CASP9: variants seen among roughly 807,000 people sequenced by gnomAD.
The protein encoded by CASP9 is caspase-9.
CASP9 carries 29 observed loss-of-function variants against 43.5 expected under a neutral mutation model. That is an observed-to-expected ratio of 0.67 (90% CI 0.50 to 0.91). The LOEUF (loss-of-function observed/expected upper bound fraction) is 0.91, where lower values mean the gene tolerates loss of function less well. CASP9 is among the 40% of genes least tolerant of loss of function. The pLI, the probability that CASP9 is intolerant of heterozygous loss-of-function variation, is 0.00. For missense variants in CASP9, 575 were observed against 537.4 expected (o/e 1.07, Z -0.69); for synonymous variants, 206 against 211.9 (o/e 0.97, Z 0.24).
intron 2 of CASP9, among the ~76,000 whole-genome samples, chr1:15,512,939 C>T (rs1303700422): frequency 1.3e-5 from 2 of 152,002 alleles, no homozygotes; most frequent in African/African-American, 4.8e-5. Flanking sequence ...GGACAGATCA[C>T]GAGGTCAGGA....
chr1:15,515,293 TC>T (rs1282214212), intron 2 of CASP9, among the ~76,000 whole-genome samples: 5 of 152,218 alleles, frequency 3.3e-5, no homozygotes, highest in African/African-American at 1.2e-4. Flanking sequence ...TCCTTACACT[TC>T]AAGCAAATGC....
At position 15,506,978 on chromosome 1, in the gene CASP9, T is replaced by C. The variant is rs923424586; in HGVS notation, c.551A>G (p.Asn184Ser). The C allele has an allele frequency of 1.4e-5, 23 of 1,614,070 alleles. No individual in the cohort carries two copies. The highest frequency in any genetic ancestry group is 1.7e-5 in the Admixed American group (1 of 60,002). ...ACGCCGCAACTTCTCACAGTCGATG[T>C]TGGAGCCAGTGCGGGTGCGGAGCCC... ...ESGLRTRTGS[N>S]IDCEKLRRRF... is the part of the protein sequence containing the mutation. Residue 184 changes from asparagine to serine, a missense_variant, in exon 4 of 9, where the codon AAC becomes AGC. Coordinates refer to ENST00000333868, the MANE Select transcript of CASP9 (RefSeq NM_001229.5).
At chr1:15,504,575 C>A (rs1427423140) in intron 6 of CASP9, 36 bp downstream of exon 6, 3 of 1,588,536 alleles carry the variant, frequency 1.9e-6, no homozygotes, top group Non-Finnish European at 2.6e-6. Flanking sequence ...CCCTCCCCAC[C>A]AGACCCACCC....
intron 2 of CASP9, among the ~76,000 whole-genome samples, chr1:15,511,173 T>C (rs1257787673): frequency 6.6e-6 from 1 of 152,182 alleles, no homozygotes; most frequent in African/African-American, 2.4e-5. Context: ...AAGGAGTTTA[T>C]ATGAGGGTTT....
chr1:15,491,654 T>C lies in CASP9; in HGVS notation c.*1289A>G, dbSNP rs4646106. On this transcript the variant is annotated 3_prime_UTR_variant, in exon 9 of 9. Transcript: ENST00000333868. The stretch of plus-strand genomic sequence containing the variant: ...ACACCTGTAGTCCAAGCTACTCAGG[T>C]GGCTGAGGTGGAAGGATCTCTTGAG... The C allele has an allele frequency of 4.4e-6, 1 of 228,060 alleles. No individual in the cohort carries two copies. The highest frequency in any genetic ancestry group is 2.3e-5 in the African/African-American group (1 of 44,136). The allele number at this position is 228,060 out of a possible 1,614,324, so 14.1% of individuals were successfully genotyped here.
intron 6 of CASP9, among the ~76,000 whole-genome samples, chr1:15,495,808 T>C (rs544834875): frequency 1.4e-4 from 22 of 152,372 alleles, no homozygotes; most frequent in African/African-American, 5.0e-4. Context: ...TCTGCCCACC[T>C]GGCACAAATG....
intron 2 of CASP9, 29 bp from the exon 3 acceptor site, chr1:15,507,936 G>A: frequency 6.2e-7 from 1 of 1,613,550 alleles, no homozygotes; most frequent in South Asian, 1.1e-5. Context: ...AGAGAAACAT[G>A]AATGTTGGGT....
At chr1:15,518,478 G>C (rs978896413) in intron 1 of CASP9, 83 bp from the exon 2 acceptor site, 1 of 1,460,354 alleles carries the variant, frequency 6.8e-7, no homozygotes, top group Non-Finnish European at 9.3e-7. Flanking sequence ...CCCAGCTACT[G>C]TAAGTCTAAA....
At chr1:15,493,564 C>T in intron 8 of CASP9, 8 of 1,418,508 alleles carry the variant, frequency 5.6e-6, no homozygotes, top group Non-Finnish European at 7.3e-6. Flanking sequence ...AGGGAGGGGC[C>T]CATGACCCGC....
rs534869306 is a variant in CASP9, at chr1:15,509,849, G to A, written c.419-1942C>T. The stretch of plus-strand genomic sequence containing the variant: ...GCAGAATGAATAAATGAATAAAGAT[G>A]ATTATTTTCCATCAACATCAAAAGA... On this transcript the variant is annotated intron_variant, in intron 2 of 8. Coordinates refer to ENST00000333868, the MANE Select transcript of CASP9 (RefSeq NM_001229.5). Among the ~76,000 whole-genome samples, 8 of 152,282 alleles carry A rather than the reference G, an allele frequency of 5.3e-5. No individual in the cohort carries two copies. In the East Asian group the frequency reaches 1.2e-3, roughly 22 times the overall value.
chr1:15,517,294 A>T (rs938724316), intron 2 of CASP9, among the ~76,000 whole-genome samples: 1 of 152,202 alleles, frequency 6.6e-6, no homozygotes, highest in Admixed American at 6.6e-5. Flanking sequence ...TTTCAAAGAT[A>T]CAATGATGAA....
intron 4 of CASP9, 138 bp downstream of exon 4, chr1:15,506,761 G>A (rs549443048): frequency 1.2e-4 from 83 of 685,562 alleles, no homozygotes; most frequent in African/African-American, 3.0e-4. Context: ...ACCTGTAGCC[G>A]CTGGGCCGTC....
chr1:15,516,838 T>C (rs1342933121), intron 2 of CASP9, among the ~76,000 whole-genome samples: 1 of 152,200 alleles, frequency 6.6e-6, no homozygotes, highest in Non-Finnish European at 1.5e-5. Flanking sequence ...CACATGGGGC[T>C]ACCCTGCAGA....
At chr1:15,504,874 G>T in intron 5 of CASP9, 116 bp from the exon 6 acceptor site, 2 of 991,836 alleles carry the variant, frequency 2.0e-6, no homozygotes, top group Non-Finnish European at 3.0e-6. Flanking sequence ...GGGGCACGAG[G>T]CTGATTGAGA....
At chr1:15,503,666 T>A (rs1384379854) in intron 6 of CASP9, among the ~76,000 whole-genome samples, 2 of 152,176 alleles carry the variant, frequency 1.3e-5, no homozygotes, top group Non-Finnish European at 2.9e-5. Flanking sequence ...GATGGGGCAG[T>A]TGGATGTGCA....
intron 2 of CASP9, among the ~76,000 whole-genome samples, chr1:15,516,360 C>T (rs889989759): frequency 2.0e-5 from 3 of 151,052 alleles, no homozygotes; most frequent in South Asian, 2.1e-4. Flanking sequence ...GGCCTGGTGG[C>T]GCACACAGCT....
intron 6 of CASP9, among the ~76,000 whole-genome samples, chr1:15,499,793 C>T (rs1709250192): frequency 6.6e-6 from 1 of 152,214 alleles, no homozygotes; most frequent in Admixed American, 6.5e-5. Flanking sequence ...AGACTGTGCT[C>T]ATGGGCTGGA....
chr1:15,503,514 T>A (rs1709406755), intron 6 of CASP9, among the ~76,000 whole-genome samples: 1 of 152,206 alleles, frequency 6.6e-6, no homozygotes, highest in Admixed American at 6.5e-5. Flanking sequence ...AGACTGAAAC[T>A]CTGTTTTTCC....
At chr1:15,499,863 T>C (rs1276102513) in intron 6 of CASP9, among the ~76,000 whole-genome samples, 4 of 152,216 alleles carry the variant, frequency 2.6e-5, no homozygotes, top group Non-Finnish European at 5.9e-5. Flanking sequence ...TCTGAATTAT[T>C]TTCTTTTTTA....
Sources: allele counts gnomAD v4.1 joint callset (sites outside exome capture counted in the v4.1 genomes callset), GRCh38; gene constraint gnomAD v4.1.1; transcripts MANE v1.5; gene names NCBI Gene and HGNC (gene_info 2026-07-23, HGNC 2026-07-21).